The following CLSTN2 variants were observed in gnomAD, a reference collection of about 807,000 sequenced individuals.
CLSTN2 encodes the protein calsyntenin-2.
Under a neutral mutation model 101.2 loss-of-function variants are expected in CLSTN2, and 48 were observed. The ratio of observed to expected loss-of-function variants is 0.47; its 90% confidence interval spans 0.38 to 0.60. The LOEUF is 0.60. Among genes scored for constraint, CLSTN2 ranks in the 20% least tolerant of loss-of-function variants. The pLI, the probability that CLSTN2 is intolerant of heterozygous loss-of-function variation, is 0.00. For synonymous variants in CLSTN2, 481 were observed against 463.6 expected (o/e 1.04, Z -0.48); for missense variants, 1,160 against 1,238.2 (o/e 0.94, Z 0.95).
At chr3:140,371,200 T>C (rs973970998) in intron 2 of CLSTN2, among the ~76,000 whole-genome samples, 1 of 152,104 alleles carries the variant, frequency 6.6e-6, no homozygotes, top group Admixed American at 6.5e-5. Flanking sequence ...AGCAGGTACC[T>C]CTGGAGACAG....
Position 140,375,348 on chromosome 3 carries a change from A to G in CLSTN2, c.233-28281A>G, listed in dbSNP as rs183367895. On this transcript the variant is annotated intron_variant, in intron 2 of 16. Coordinates refer to ENST00000458420, the MANE Select transcript of CLSTN2 (RefSeq NM_022131.3). ...TCTCCACTCAGGGGATGTTTGCTTG[A>G]GGAAGGGGACCCCTTGCTATGGGTT... 7.1e-3 allele frequency among the ~76,000 whole-genome samples: 1,074 copies of G among 152,318 alleles called. 5 individuals carry two copies. Among genetic ancestry groups the G allele is most frequent in the Non-Finnish European group, 0.011 (768 of 68,026 alleles).
At chr3:140,423,944 A>G (rs1386122349) in intron 5 of CLSTN2, among the ~76,000 whole-genome samples, 2 of 152,190 alleles carry the variant, frequency 1.3e-5, no homozygotes, top group Non-Finnish European at 2.9e-5. Flanking sequence ...ATCAGGAATA[A>G]AGGCTCTCCT....
At chr3:140,537,239 G>T (rs1576617251) in intron 9 of CLSTN2, among the ~76,000 whole-genome samples, 1 of 152,352 alleles carries the variant, frequency 6.6e-6, no homozygotes, top group Non-Finnish European at 1.5e-5. Context: ...GATAGCAGCT[G>T]CTTGTTGGGA....
rs6783047 is a variant in CLSTN2 at position 140,257,642 on chromosome 3, G to A, written c.232+81569G>A. Among the ~76,000 whole-genome samples, 617 of 150,744 alleles carry A rather than the reference G, an allele frequency of 4.1e-3. 3 individuals carry two copies. Among genetic ancestry groups the A allele is most frequent in the African/African-American group, 0.012 (501 of 41,100 alleles). On this transcript the variant is annotated intron_variant, in intron 2 of 16. Coordinates refer to ENST00000458420, the MANE Select transcript of CLSTN2 (RefSeq NM_022131.3). Reference sequence around the variant, plus strand: ...ATTCTATGTACACAATTATTTTTCCGTATAATATTAAAGAATTTCTCGGTC... The same window carrying A: ...ATTCTATGTACACAATTATTTTTCCATATAATATTAAAGAATTTCTCGGTC...
At chr3:140,250,443 C>A (rs1031888396) in intron 2 of CLSTN2, among the ~76,000 whole-genome samples, 1 of 152,224 alleles carries the variant, frequency 6.6e-6, no homozygotes, top group Non-Finnish European at 1.5e-5. Context: ...CTATTTGGCT[C>A]TGCCTCTTTT....
intron 8 of CLSTN2, among the ~76,000 whole-genome samples, chr3:140,512,106 T>C (rs7648478): frequency 0.042 from 6,321 of 152,208 alleles, 442 homozygotes; most frequent in African/African-American, 0.14. Context: ...ACTATGATGA[T>C]AGTTTCTTTT....
intron 2 of CLSTN2, among the ~76,000 whole-genome samples, chr3:140,278,188 AGT>A (rs960892633): frequency 1.8e-4 from 28 of 152,266 alleles, no homozygotes; most frequent in Non-Finnish European, 3.2e-4. Flanking sequence ...AGTAAGTCAT[AGT>A]TGCCTGGACA....
At chr3:139,966,128 CA>C (rs764060482) in intron 1 of CLSTN2, among the ~76,000 whole-genome samples, 4 of 152,152 alleles carry the variant, frequency 2.6e-5, no homozygotes, top group African/African-American at 7.2e-5. Context: ...TCCACAGGGC[CA>C]GTGTTGTTAT....
At chr3:140,342,610 A>C (rs572129909) in intron 2 of CLSTN2, among the ~76,000 whole-genome samples, 1 of 152,156 alleles carries the variant, frequency 6.6e-6, no homozygotes, top group African/African-American at 2.4e-5. Flanking sequence ...AGAGAAAGCA[A>C]TGATCATTTC....
At chr3:140,372,160 A>C (rs1383018) in intron 2 of CLSTN2, among the ~76,000 whole-genome samples, 1 of 152,084 alleles carries the variant, frequency 6.6e-6, no homozygotes. Flanking sequence ...CTTTCTCCCC[A>C]GCCACCGTGC....
chr3:139,973,785 T>G (rs746100742), intron 1 of CLSTN2, among the ~76,000 whole-genome samples: 1 of 152,120 alleles, frequency 6.6e-6, no homozygotes, highest in Non-Finnish European at 1.5e-5. Flanking sequence ...ACTACAGATG[T>G]GTGCCACCAT....
intron 2 of CLSTN2, among the ~76,000 whole-genome samples, chr3:140,232,540 C>A (rs2350514): frequency 6.6e-6 from 1 of 151,798 alleles, no homozygotes; most frequent in East Asian, 1.9e-4. Context: ...ACAGTTCCTA[C>A]GGGCTGATGT....
At chr3:140,348,567 T>C (rs2087573598) in intron 2 of CLSTN2, among the ~76,000 whole-genome samples, 1 of 152,198 alleles carries the variant, frequency 6.6e-6, no homozygotes, top group African/African-American at 2.4e-5. Flanking sequence ...TGAGTTTCAC[T>C]ATTTTTCTTT....
intron 1 of CLSTN2, among the ~76,000 whole-genome samples, chr3:139,965,558 C>T (rs1031632059): frequency 2.6e-5 from 4 of 152,172 alleles, no homozygotes; most frequent in Non-Finnish European, 5.9e-5. Context: ...TATCCAGATT[C>T]GAGAAAGAGT....
intron 2 of CLSTN2, among the ~76,000 whole-genome samples, chr3:140,300,971 G>A (rs1211342867): frequency 1.3e-5 from 2 of 152,094 alleles, no homozygotes; most frequent in Admixed American, 6.5e-5. Context: ...TGCTGATGAT[G>A]TAAATCCCAG....
At position 140,168,666 on chromosome 3, in the gene CLSTN2, T is replaced by G. The variant is rs2010169152; in HGVS notation, c.110-7285T>G. Among the ~76,000 whole-genome samples, 3 of 152,132 alleles carry G rather than the reference T, an allele frequency of 2.0e-5. No individual in the cohort carries two copies. In the South Asian group the frequency reaches 6.2e-4, roughly 31 times the overall value. On this transcript the variant is annotated intron_variant, in intron 1 of 16. Transcript: ENST00000458420. ...AGGACTATGACTCCTGTAGAGATAA[T>G]TTTTGTTTGTATAGCACAATACAAC... is the stretch of plus-strand genomic sequence containing the variant.
At chr3:140,529,540 T>TG (rs570916549) in intron 8 of CLSTN2, among the ~76,000 whole-genome samples, 129 of 152,264 alleles carry the variant, frequency 8.5e-4, no homozygotes, top group Non-Finnish European at 1.2e-3. Context: ...AGCTGCCTCC[T>TG]GGCTTGATCA....
chr3:140,224,076 G>C (rs72988166), intron 2 of CLSTN2, among the ~76,000 whole-genome samples: 5,244 of 152,208 alleles, frequency 0.034, 296 homozygotes, highest in African/African-American at 0.12. Context: ...ACAGTATAGT[G>C]AGTGGTCCCC....
chr3:140,262,432 G>C (rs2086661280), intron 2 of CLSTN2, among the ~76,000 whole-genome samples: 1 of 152,170 alleles, frequency 6.6e-6, no homozygotes, highest in African/African-American at 2.4e-5. Context: ...AAAGAGAGAG[G>C]AGTGTAAGAA....
Sources: gnomAD v4.1 joint callset for allele counts (sites outside exome capture counted in the v4.1 genomes callset) on GRCh38, gnomAD v4.1.1 for gene constraint, MANE v1.5 for transcripts, NCBI Gene and HGNC (gene_info 2026-07-23, HGNC 2026-07-21) for gene names.